Variants in CDH20 observed in about 807,000 individuals in gnomAD.
The protein encoded by CDH20 is cadherin 20, also known as cadherin-20.
In CDH20, 29 loss-of-function variants were observed where a neutral mutation model predicts 74.2. That is an observed-to-expected ratio of 0.39 (90% CI 0.29 to 0.53). The LOEUF (loss-of-function observed/expected upper bound fraction) is 0.53, where lower values mean the gene tolerates loss of function less well. CDH20 is among the 20% of genes least tolerant of loss of function. The probability of loss-of-function intolerance (pLI) is 0.69; values close to 1 mark genes in which losing one functional copy is unlikely to be tolerated. For missense variants in CDH20, 988 were observed against 1,048.3 expected (o/e 0.94, Z 0.79); for synonymous variants, 469 against 405.4 (o/e 1.16, Z -1.88).
rs568347818 is a variant in CDH20 at position 61,375,788 on chromosome 18, CT to C, written c.-153+41965del. 1.1e-4 allele frequency among the ~76,000 whole-genome samples: 17 copies of C among 152,140 alleles called. No homozygotes were observed. The South Asian group carries it at 3.5e-3, about 32-fold the overall frequency. On this transcript the variant is annotated intron_variant, in intron 1 of 11. Coordinates refer to ENST00000262717, the MANE Select transcript of CDH20 (RefSeq NM_031891.4). Reference sequence around the variant, plus strand: ...CACTGCCCTTAAATTTTTTTTCTCACTTTTAATAATATCAGGAACCAGAACA... The same window carrying C: ...CACTGCCCTTAAATTTTTTTTCTCACTTTAATAATATCAGGAACCAGAACA...
intron 1 of CDH20, among the ~76,000 whole-genome samples, chr18:61,375,712 T>G (rs1386769432): frequency 6.6e-6 from 1 of 152,150 alleles, no homozygotes; most frequent in Non-Finnish European, 1.5e-5. Flanking sequence ...TAGGAGGTAC[T>G]ATTCATTCAT....
intron 1 of CDH20, among the ~76,000 whole-genome samples, chr18:61,462,012 T>C (rs1909795864): frequency 6.6e-6 from 1 of 152,152 alleles, no homozygotes; most frequent in Non-Finnish European, 1.5e-5. Context: ...TACACTCCTA[T>C]GCAATTGGTT....
chr18:61,447,727 GTTTAAA>G (rs1407951153), intron 1 of CDH20, among the ~76,000 whole-genome samples: 1 of 152,190 alleles, frequency 6.6e-6, no homozygotes, highest in Non-Finnish European at 1.5e-5. Flanking sequence ...CTTGGGGAGA[GTTTAAA>G]TTTAATTTCA....
intron 1 of CDH20, among the ~76,000 whole-genome samples, chr18:61,489,022 CT>C (rs1910865003): frequency 2.0e-5 from 3 of 152,182 alleles, no homozygotes; most frequent in African/African-American, 2.4e-5. Flanking sequence ...ACCTGGCTTG[CT>C]TTTTCTTAAC....
intron 1 of CDH20, among the ~76,000 whole-genome samples, chr18:61,452,950 T>G (rs1031952067): frequency 2.0e-5 from 3 of 152,208 alleles, no homozygotes; most frequent in Non-Finnish European, 4.4e-5. Context: ...CTCTTTGTTT[T>G]GAGGAAATTA....
intron 1 of CDH20, among the ~76,000 whole-genome samples, chr18:61,426,021 A>T (rs1324959994): frequency 6.6e-6 from 1 of 152,190 alleles, no homozygotes; most frequent in African/African-American, 2.4e-5. Flanking sequence ...GCTAGTGTAC[A>T]GAAACACAAC....
chr18:61,405,291 A>G (rs889343339), intron 1 of CDH20: 1 of 336,416 alleles, frequency 3.0e-6, no homozygotes, highest in Non-Finnish European at 5.6e-6. Context: ...GTCAACTCTT[A>G]AAAGACTGAT....
intron 1 of CDH20, among the ~76,000 whole-genome samples, chr18:61,337,931 TC>T (rs1909811059): frequency 6.6e-6 from 1 of 152,184 alleles, no homozygotes; most frequent in African/African-American, 2.4e-5. Context: ...GTATAATTGT[TC>T]TGGGAATAAA....
At chr18:61,476,459 A>T (rs1215310316) in intron 1 of CDH20, among the ~76,000 whole-genome samples, 1 of 152,202 alleles carries the variant, frequency 6.6e-6, no homozygotes, top group East Asian at 1.9e-4. Flanking sequence ...CCTGATCCAT[A>T]GAAAACTGTG....
At chr18:61,516,029 G>C (rs1911991320) in intron 6 of CDH20, among the ~76,000 whole-genome samples, 1 of 152,168 alleles carries the variant, frequency 6.6e-6, no homozygotes, top group Non-Finnish European at 1.5e-5. Flanking sequence ...GGACAGCTTT[G>C]ACTAGGTCTG....
At chr18:61,357,900 T>C (rs763747911) in intron 1 of CDH20, among the ~76,000 whole-genome samples, 37 of 152,210 alleles carry the variant, frequency 2.4e-4, no homozygotes, top group African/African-American at 5.8e-4. Flanking sequence ...GGCCCTCAGA[T>C]ACCCCTTCTT....
intron 1 of CDH20, among the ~76,000 whole-genome samples, chr18:61,445,285 A>T (rs919474677): frequency 6.6e-6 from 1 of 151,296 alleles, no homozygotes; most frequent in African/African-American, 2.4e-5. Context: ...CCTGCAAGGT[A>T]GGTTTTATCC....
At chr18:61,405,405 C>G (rs186492357) in intron 1 of CDH20, among the ~76,000 whole-genome samples, 1 of 152,084 alleles carries the variant, frequency 6.6e-6, no homozygotes, top group South Asian at 2.1e-4. Flanking sequence ...GGGCAATATA[C>G]CAAGACCCCC....
At chr18:61,514,111 A>G (rs1911888007) in intron 6 of CDH20, among the ~76,000 whole-genome samples, 1 of 152,062 alleles carries the variant, frequency 6.6e-6, no homozygotes. Flanking sequence ...ACTTGGTTCC[A>G]TTCTCCCCAT....
intron 6 of CDH20, among the ~76,000 whole-genome samples, chr18:61,510,617 GC>G (rs770387657): frequency 9.9e-5 from 15 of 152,182 alleles, no homozygotes; most frequent in Non-Finnish European, 1.9e-4. Context: ...ATCAATCACA[GC>G]AAAGGAACAG....
intron 6 of CDH20, among the ~76,000 whole-genome samples, chr18:61,522,854 C>A (rs1187181411): frequency 2.0e-5 from 3 of 152,188 alleles, no homozygotes; most frequent in African/African-American, 4.8e-5. Flanking sequence ...GGAAAACTGG[C>A]TAGCCATATG....
chr18:61,478,713 C>CT (rs1568156522), intron 1 of CDH20, among the ~76,000 whole-genome samples: 1 of 152,048 alleles, frequency 6.6e-6, no homozygotes, highest in African/African-American at 2.4e-5. Context: ...GTGAAGAAGT[C>CT]TTTTTTCCCA....
chr18:61,541,268 T>A (rs899728357), intron 9 of CDH20, among the ~76,000 whole-genome samples: 1 of 151,404 alleles, frequency 6.6e-6, no homozygotes, highest in African/African-American at 2.4e-5. Flanking sequence ...ATTTTAATAA[T>A]TTTTGTTTTA....
chr18:61,463,074 C>G (rs1396355517), intron 1 of CDH20, among the ~76,000 whole-genome samples: 1 of 152,150 alleles, frequency 6.6e-6, no homozygotes, highest in African/African-American at 2.4e-5. Context: ...ACTTTCTTAC[C>G]CGACTTAATT....
Sources: gnomAD v4.1 joint callset for allele counts (sites outside exome capture counted in the v4.1 genomes callset) on GRCh38, gnomAD v4.1.1 for gene constraint, MANE v1.5 for transcripts, NCBI Gene and HGNC (gene_info 2026-07-23, HGNC 2026-07-21) for gene names.